Variants in MDN1 observed in about 807,000 individuals in gnomAD.
The protein encoded by MDN1 is midasin AAA ATPase 1, also known as midasin.
Under a neutral mutation model 669.2 loss-of-function variants are expected in MDN1, and 266 were observed. That is an observed-to-expected ratio of 0.40 (90% CI 0.36 to 0.44). The LOEUF (loss-of-function observed/expected upper bound fraction) is 0.44, where lower values mean the gene tolerates loss of function less well. Among genes scored for constraint, MDN1 ranks in the 20% least tolerant of loss-of-function variants. The pLI is 1.00. For missense variants in MDN1, 5,940 were observed against 6,754.0 expected (o/e 0.88, Z 4.22); for synonymous variants, 2,385 against 2,457.1 (o/e 0.97, Z 0.87).
At chr6:89,656,873 G>A in intron 90 of MDN1, 72 bp from the exon 91 acceptor site, 2 of 1,244,384 alleles carry the variant, frequency 1.6e-6, no homozygotes, top group Non-Finnish European at 2.3e-6. Context: ...GTGCTGCATT[G>A]AATACAACTT....
At chr6:89,700,368 T>TTGC in intron 56 of MDN1, 74 bp from the exon 57 acceptor site, 1 of 1,171,396 alleles carries the variant, frequency 8.5e-7, no homozygotes, top group Non-Finnish European at 1.3e-6. Context: ...AACAACCTGC[T>TTGC]ATGTGACTGC....
chr6:89,819,055 G>C (rs1051790508), intron 1 of MDN1, among the ~76,000 whole-genome samples: 2 of 152,116 alleles, frequency 1.3e-5, no homozygotes, highest in Admixed American at 6.6e-5. Context: ...CTTTCTCACA[G>C]CGCCACACCG....
chr6:89,668,293 G>A, intron 83 of MDN1, 142 bp from the exon 84 acceptor site: 1 of 1,027,544 alleles, frequency 9.7e-7, no homozygotes, highest in South Asian at 1.7e-5. Context: ...TGGAAGTACA[G>A]GAGACTTCTG....
chr6:89,777,052 A>C (rs4142648), intron 11 of MDN1, among the ~76,000 whole-genome samples: 55,187 of 151,970 alleles, frequency 0.36, 10,616 homozygotes, highest in East Asian at 0.68. Context: ...AGGTAATATC[A>C]AAAGACTGCT....
intron 59 of MDN1, among the ~76,000 whole-genome samples, chr6:89,698,195 C>G (rs1367060785): frequency 6.6e-6 from 1 of 152,190 alleles, no homozygotes. Context: ...CATTTCCAGT[C>G]TGGCAATAAC....
intron 26 of MDN1, among the ~76,000 whole-genome samples, chr6:89,748,738 T>C (rs1816795022): frequency 1.3e-5 from 2 of 151,220 alleles, no homozygotes; most frequent in African/African-American, 2.4e-5. Flanking sequence ...AAACTAAAAA[T>C]ATATATTATT....
chr6:89,677,768 T>C, intron 75 of MDN1, 72 bp from the exon 76 acceptor site: 1 of 1,597,872 alleles, frequency 6.3e-7, no homozygotes, highest in Non-Finnish European at 8.5e-7. Context: ...TCTCCCCTGC[T>C]ACTCAAAGCA....
intron 59 of MDN1, among the ~76,000 whole-genome samples, chr6:89,697,286 T>A (rs1295069699): frequency 6.6e-6 from 1 of 152,090 alleles, no homozygotes; most frequent in Non-Finnish European, 1.5e-5. Context: ...TAAAACAACA[T>A]ATACTGATGA....
Position 89,794,939 on chromosome 6 carries a change from T to C in MDN1, c.330-138A>G, listed in dbSNP as rs536292474. ...TCAAAAAGGAGTATCTATATTTTCA[T>C]TGATTGGTGGGAATATCATAGAACG... is the stretch of plus-strand genomic sequence containing the variant. On this transcript the variant is annotated intron_variant, in intron 2 of 101. Coordinates refer to ENST00000369393, the MANE Select transcript of MDN1 (RefSeq NM_014611.3). 16 of 732,160 alleles carry C rather than the reference T, an allele frequency of 2.2e-5. No homozygotes were observed. The South Asian group carries it at 2.3e-4, about 10-fold the overall frequency. The allele number at this position is 732,160 out of a possible 1,614,324, so 45.4% of individuals were successfully genotyped here.
chr6:89,742,525 T>C (rs1584299657), intron 31 of MDN1, among the ~76,000 whole-genome samples: 1 of 152,258 alleles, frequency 6.6e-6, no homozygotes, highest in African/African-American at 2.4e-5. Flanking sequence ...TCTACTGCAA[T>C]ACCACTAACT....
At chr6:89,684,026 G>A in intron 71 of MDN1, 122 bp from the exon 72 acceptor site, 1 of 732,554 alleles carries the variant, frequency 1.4e-6, no homozygotes, top group South Asian at 1.7e-5. Context: ...CTGTGTGTCA[G>A]TGAACAAGTA....
chr6:89,751,680 T>C, intron 22 of MDN1, 98 bp from the exon 23 acceptor site: 1 of 1,248,402 alleles, frequency 8.0e-7, no homozygotes, highest in Non-Finnish European at 1.1e-6. Flanking sequence ...ACAAGCTGTC[T>C]TGTTCTGCAT....
intron 1 of MDN1, among the ~76,000 whole-genome samples, chr6:89,808,079 T>C (rs1418493762): frequency 6.6e-6 from 1 of 152,020 alleles, no homozygotes; most frequent in Non-Finnish European, 1.5e-5. Context: ...TGGCCCAGCC[T>C]ATAATCACTT....
chr6:89,676,851 A>T (rs1298827759), intron 76 of MDN1, among the ~76,000 whole-genome samples: 4 of 152,180 alleles, frequency 2.6e-5, no homozygotes, highest in Non-Finnish European at 5.9e-5. Flanking sequence ...TTGTAAACAG[A>T]GGTAGCTCTG....
intron 50 of MDN1, among the ~76,000 whole-genome samples, chr6:89,709,892 A>G (rs557340427): frequency 1.3e-5 from 2 of 152,222 alleles, no homozygotes; most frequent in South Asian, 2.1e-4. Context: ...TGGTTTTATA[A>G]CTTCGTCATC....
chr6:89,690,103 T>C lies in MDN1; in HGVS notation c.10790A>G (p.Asn3597Ser). 1.2e-6 allele frequency: 2 copies of C among 1,614,226 alleles called. No homozygotes were observed. Among genetic ancestry groups the C allele is most frequent in the Non-Finnish European group, 1.7e-6 (2 of 1,180,026 alleles). Residue 3597 changes from asparagine to serine, a missense_variant, in exon 65 of 102, where the codon AAC becomes AGC. By Grantham distance (46) the Asn-to-Ser change is conservative. This residue lies in a region of MDN1 where 2,280 missense variants were observed against 2,576.3 expected (regional missense o/e 0.88). Transcript: ENST00000369393. ...TTCTTGCCCATCTGAAGTTCCTTTG[T>C]TCTCCTCCAACGTTGGCTGCACCAA... ...DILVQPTLEE[N>S]KGTSDGQEEE...
rs181826396 is a variant in MDN1 at position 89,683,749 on chromosome 6, T to C, written c.11903+82A>G. The C allele has an allele frequency of 2.2e-5, 22 of 1,002,088 alleles. No homozygotes were observed. In the Admixed American group the frequency reaches 3.6e-4, roughly 16 times the overall value. The allele number at this position is 1,002,088 out of a possible 1,614,324, so 62.1% of individuals were successfully genotyped here. On this transcript the variant is annotated intron_variant, in intron 72 of 101. Transcript: ENST00000369393. ...TAACACACTTAATATTAAGTTAGGT[T>C]ATGGTAACTATGTCGTTTTGCTCCC...
intron 51 of MDN1, 133 bp downstream of exon 51, chr6:89,708,363 C>A: frequency 1.8e-6 from 2 of 1,115,892 alleles, no homozygotes; most frequent in Admixed American, 2.3e-5. Context: ...TAAAGGCAAT[C>A]ATGTCCAACA....
chr6:89,793,866 G>A lies in MDN1; in HGVS notation c.751C>T (p.Leu251=). Residue 251 remains leucine, a synonymous_variant, in exon 5 of 102, where the codon CTG becomes TTG. Transcript: ENST00000369393. ...EVSLWRKQKE[L]QYLQGHLVSS... is the part of the protein sequence containing the mutation. ...ACAAGATGTCCCTGTAAGTACTGCA[G>A]CTCCTTCTGCTTACGCCAAAGGGAG... 1 of 1,614,098 alleles carries A rather than the reference G, an allele frequency of 6.2e-7. No individual in the cohort carries two copies. Among genetic ancestry groups the A allele is most frequent in the East Asian group, 2.2e-5 (1 of 44,882 alleles).
Sources: allele counts gnomAD v4.1 joint callset (sites outside exome capture counted in the v4.1 genomes callset), GRCh38; gene constraint gnomAD v4.1.1; regional missense constraint gnomAD v4.1.1; transcripts MANE v1.5; gene names NCBI Gene and HGNC (gene_info 2026-07-23, HGNC 2026-07-21).